ACOT11: variants seen among roughly 807,000 people sequenced by gnomAD.
ACOT11 encodes the protein acyl-CoA thioesterase 11, also known as acyl-coenzyme A thioesterase 11.
ACOT11 carries 69 observed loss-of-function variants against 77.5 expected under a neutral mutation model. That is an observed-to-expected ratio of 0.89 (90% CI 0.73 to 1.09). The LOEUF (loss-of-function observed/expected upper bound fraction) is 1.09, where lower values mean the gene tolerates loss of function less well. Among genes scored for constraint, ACOT11 ranks in the 50% least tolerant of loss-of-function variants. ACOT11 has a pLI of 0.00. For missense variants in ACOT11, 766 were observed against 813.7 expected (o/e 0.94, Z 0.71); for synonymous variants, 279 against 313.0 (o/e 0.89, Z 1.15).
downstream of ACOT11, chr1:54,612,571 G>A (rs369589372): frequency 6.2e-7 from 1 of 1,614,070 alleles, no homozygotes; most frequent in African/African-American, 1.3e-5. Flanking sequence ...ACCCTCTGGG[G>A]CACTCCTCCC....
intron 13 of ACOT11, 129 bp downstream of exon 13, chr1:54,605,338 T>A: frequency 7.7e-7 from 1 of 1,302,974 alleles, no homozygotes; most frequent in Non-Finnish European, 1.0e-6. Context: ...TGGAGTTCCA[T>A]GCTGGGTGGG....
chr1:54,618,422 T>A (rs1350630464), intron 15 of ACOT11, among the ~76,000 whole-genome samples: 1 of 152,082 alleles, frequency 6.6e-6, no homozygotes, highest in Admixed American at 6.6e-5. Flanking sequence ...GAAGAATCAC[T>A]TGAACCTGGG....
chr1:54,608,138 G>T (rs1385536615), intron 15 of ACOT11, 70 bp downstream of exon 15: 6 of 1,513,170 alleles, frequency 4.0e-6, no homozygotes, highest in Non-Finnish European at 8.9e-7. Context: ...ATTGAGCTCA[G>T]CACTGCTGGG....
intron 1 of ACOT11, chr1:54,573,251 C>T: frequency 2.0e-6 from 2 of 985,398 alleles, no homozygotes; most frequent in Non-Finnish European, 2.4e-6. Context: ...GTCAAGCAGT[C>T]TTAGCTTTTG....
chr1:54,554,351 ATTTT>A lies in ACOT11; in HGVS notation c.33+6024_33+6027del, dbSNP rs35047110. Among the ~76,000 whole-genome samples the A allele has an allele frequency of 6.8e-4, 66 of 97,254 alleles. 1 individual carries two copies. The East Asian group carries it at 0.017, about 25-fold the overall frequency. The allele number at this position is 97,254 out of a possible 152,430, so 63.8% of individuals were successfully genotyped here. On this transcript the variant is annotated intron_variant, in intron 1 of 15. Coordinates refer to ENST00000343744, the MANE Select transcript of ACOT11 (RefSeq NM_147161.4). ...TGTGTGTGTATATATATATATATATATTTTTTTTTTTTTTTTTTGAGATGGAGTC... is the reference window on the plus strand; with the variant it reads ...TGTGTGTGTATATATATATATATATATTTTTTTTTTTTTTGAGATGGAGTC...
intron 15 of ACOT11, among the ~76,000 whole-genome samples, chr1:54,619,441 C>T (rs950991515): frequency 1.3e-5 from 2 of 152,092 alleles, no homozygotes; most frequent in Non-Finnish European, 2.9e-5. Flanking sequence ...GAAATGTTAC[C>T]CATGAAACAG....
intron 3 of ACOT11, among the ~76,000 whole-genome samples, chr1:54,591,120 A>G (rs531420682): frequency 6.6e-6 from 1 of 152,150 alleles, no homozygotes; most frequent in South Asian, 2.1e-4. Flanking sequence ...ATCCGTCACT[A>G]TGTCAGCATG....
At chr1:54,585,352 G>C (rs750555587) in intron 2 of ACOT11, among the ~76,000 whole-genome samples, 3 of 152,202 alleles carry the variant, frequency 2.0e-5, no homozygotes, top group Non-Finnish European at 2.9e-5. Flanking sequence ...CCCTGACCCA[G>C]GCCTGGGGGC....
chr1:54,571,222 A>G (rs1037632791), intron 1 of ACOT11, among the ~76,000 whole-genome samples: 1 of 152,172 alleles, frequency 6.6e-6, no homozygotes, highest in Non-Finnish European at 1.5e-5. Flanking sequence ...GACAGTCTGA[A>G]GCCCTTGGGC....
chr1:54,601,596 C>T (rs544500656), intron 9 of ACOT11, among the ~76,000 whole-genome samples, 183 bp downstream of exon 9: 10 of 152,168 alleles, frequency 6.6e-5, no homozygotes, highest in East Asian at 1.9e-4. Flanking sequence ...TTGTGCAGGG[C>T]GGGCTTGTTC....
At chr1:54,564,448 C>T (rs1179565957) in intron 1 of ACOT11, among the ~76,000 whole-genome samples, 1 of 152,104 alleles carries the variant, frequency 6.6e-6, no homozygotes, top group Non-Finnish European at 1.5e-5. Context: ...TATTTACGAC[C>T]TCTAGAATAG....
intron 9 of ACOT11, 54 bp downstream of exon 9, chr1:54,601,467 G>A (rs893964746): frequency 1.9e-6 from 3 of 1,584,748 alleles, no homozygotes; most frequent in Non-Finnish European, 1.7e-6. Flanking sequence ...CTCCCTCTCT[G>A]CCCTGGCATG....
chr1:54,590,952 T>G (rs1419771480), intron 3 of ACOT11, among the ~76,000 whole-genome samples: 3 of 152,094 alleles, frequency 2.0e-5, no homozygotes, highest in Non-Finnish European at 4.4e-5. Flanking sequence ...TTAGTAGAGT[T>G]TCACCATGTT....
chr1:54,612,658 A>G (rs1321310860), downstream of ACOT11: 1 of 1,614,018 alleles, frequency 6.2e-7, no homozygotes, highest in Non-Finnish European at 8.5e-7. Flanking sequence ...AAGGTGGTCC[A>G]GCCTGGAGAT....
chr1:54,576,180 G>C (rs1654107994), intron 1 of ACOT11, among the ~76,000 whole-genome samples: 1 of 152,170 alleles, frequency 6.6e-6, no homozygotes. Flanking sequence ...TTCTTGTGTT[G>C]AGTTGTCTCT....
intron 15 of ACOT11, chr1:54,620,088 C>G: frequency 6.8e-7 from 1 of 1,470,468 alleles, no homozygotes; most frequent in Non-Finnish European, 9.3e-7. Flanking sequence ...ATGACCCTCC[C>G]TGGGCTCCCA....
At chr1:54,559,320 G>C (rs185815246) in intron 1 of ACOT11, among the ~76,000 whole-genome samples, 1 of 152,190 alleles carries the variant, frequency 6.6e-6, no homozygotes, top group Non-Finnish European at 1.5e-5. Context: ...CACACCTCAG[G>C]GTCGAGGGAG....
Position 54,609,298 on chromosome 1 carries a change from C to T in ACOT11, c.*186C>T, listed in dbSNP as rs1557667600. On this transcript the variant is annotated 3_prime_UTR_variant, in exon 16 of 16. Coordinates refer to ENST00000343744, the MANE Select transcript of ACOT11 (RefSeq NM_147161.4). ...TTCTACCAACATGAGCCAGCAAGTCCTTGTGGTAGCCCTGGGGTAGCCTGT... is the reference window on the plus strand; with the variant it reads ...TTCTACCAACATGAGCCAGCAAGTCTTTGTGGTAGCCCTGGGGTAGCCTGT... The T allele has an allele frequency of 6.2e-7, 1 of 1,609,536 alleles. No homozygotes were observed. Among genetic ancestry groups the T allele is most frequent in the East Asian group, 2.2e-5 (1 of 44,722 alleles).
chr1:54,621,464 A>G (rs1644229260), intron 15 of ACOT11: 1 of 152,176 alleles, frequency 6.6e-6, no homozygotes, highest in African/African-American at 2.4e-5. Context: ...CTCAAAATAA[A>G]TAAATAAATA....
Sources: gnomAD v4.1 joint callset for allele counts (sites outside exome capture counted in the v4.1 genomes callset) on GRCh38, gnomAD v4.1.1 for gene constraint, MANE v1.5 for transcripts, NCBI Gene and HGNC (gene_info 2026-07-23, HGNC 2026-07-21) for gene names.